Variants in CLMN observed in about 807,000 individuals in gnomAD.
CLMN encodes the protein calmin, also known as calmin (calponin-like, transmembrane).
Under a neutral mutation model 92.7 loss-of-function variants are expected in CLMN, and 57 were observed. The observed-to-expected ratio is 0.61, with a 90% CI of 0.50 to 0.77. The LOEUF is 0.77. Ranked by LOEUF, CLMN falls within the 30% of genes least tolerant of loss-of-function variation. CLMN has a pLI of 0.00. For synonymous variants in CLMN, 466 were observed against 470.6 expected (o/e 0.99, Z 0.13); for missense variants, 1,158 against 1,237.5 (o/e 0.94, Z 0.96).
chr14:95,293,135 CCTTCCCTCCCTT>C (rs1226792493), intron 1 of CLMN, among the ~76,000 whole-genome samples: 1 of 118,784 alleles, frequency 8.4e-6, no homozygotes, highest in Non-Finnish European at 1.8e-5. Flanking sequence ...TTCCCTCCCT[CCTTCCCTCCCTT>C]CTTCCCTCCT....
chr14:95,228,920 C>T (rs193054738), intron 2 of CLMN, among the ~76,000 whole-genome samples: 13 of 152,314 alleles, frequency 8.5e-5, no homozygotes, highest in African/African-American at 2.9e-4. Context: ...AGTGATCTAC[C>T]TGCCTCAGCC....
At chr14:95,311,165 G>A (rs1159296037) in intron 1 of CLMN, among the ~76,000 whole-genome samples, 1 of 152,148 alleles carries the variant, frequency 6.6e-6, no homozygotes, top group East Asian at 1.9e-4. Flanking sequence ...GCTATCTGAA[G>A]GTTCAGGTTC....
intron 3 of CLMN, among the ~76,000 whole-genome samples, chr14:95,223,469 T>C (rs1362712903): frequency 6.6e-6 from 1 of 152,216 alleles, no homozygotes; most frequent in East Asian, 1.9e-4. Flanking sequence ...TTCTAGTTTA[T>C]ATAATGGCTG....
At chr14:95,232,884 T>C (rs1277502300) in intron 1 of CLMN, among the ~76,000 whole-genome samples, 1 of 152,256 alleles carries the variant, frequency 6.6e-6, no homozygotes, top group African/African-American at 2.4e-5. Context: ...CTGCCCATTT[T>C]TCACTGTTTC....
At chr14:95,245,194 A>ATATATATATAT (rs1491250953) in intron 1 of CLMN, among the ~76,000 whole-genome samples, 1 of 35,482 alleles carries the variant, frequency 2.8e-5, no homozygotes, top group African/African-American at 1.4e-4. Flanking sequence ...ATATATATAT[A>ATATATATATAT]ATATATATAT....
Position 95,256,251 on chromosome 14 carries a change from C to T in CLMN, c.83-26118G>A, listed in dbSNP as rs1566897986. ...CTCCTCGGCACCCAGTTGGGAAGGA[C>T]TTCACAGCACTCCCTGCCTCCTTTA... On this transcript the variant is annotated intron_variant, in intron 1 of 12. Transcript: ENST00000298912. The surrounding 1 kb of genome is among the most constrained non-coding windows in gnomAD (Gnocchi z 4.9). Among the ~76,000 whole-genome samples the T allele has an allele frequency of 6.6e-6, 1 of 152,348 alleles. No individual in the cohort carries two copies. The highest frequency in any genetic ancestry group is 2.1e-4 in the South Asian group (1 of 4,828).
intron 8 of CLMN, among the ~76,000 whole-genome samples, chr14:95,206,835 A>C (rs1280007075): frequency 6.6e-6 from 1 of 152,250 alleles, no homozygotes; most frequent in Non-Finnish European, 1.5e-5. Context: ...CGTATGTTTT[A>C]GTTGATTTCA....
intron 9 of CLMN, among the ~76,000 whole-genome samples, chr14:95,201,566 C>CTTTT (rs57205690): frequency 4.2e-4 from 58 of 139,660 alleles, no homozygotes; most frequent in Non-Finnish European, 6.5e-4. Flanking sequence ...CTTTTTTTTC[C>CTTTT]TTTTTTTTTT....
chr14:95,237,493 C>T (rs1269757001), intron 1 of CLMN, among the ~76,000 whole-genome samples: 1 of 152,220 alleles, frequency 6.6e-6, no homozygotes, highest in Non-Finnish European at 1.5e-5. Flanking sequence ...TCTCTGTTAC[C>T]ACTGGGAGGA....
chr14:95,294,952 G>A lies in CLMN; in HGVS notation c.82+24759C>T, dbSNP rs1198359162. Among the ~76,000 whole-genome samples, 1 of 152,212 alleles carries A rather than the reference G, an allele frequency of 6.6e-6. No homozygotes were observed. The highest frequency in any genetic ancestry group is 1.5e-5 in the Non-Finnish European group (1 of 68,040). ...CCCCTCACCAGGCGATAGCTTTGTG[G>A]GGCTCCTATAATTCAGCCCCCTCTT... On this transcript the variant is annotated intron_variant, in intron 1 of 12. Coordinates refer to ENST00000298912, the MANE Select transcript of CLMN (RefSeq NM_024734.4). This position sits in a 1 kb window ranked among gnomAD's most constrained non-coding sequence, Gnocchi z 4.2.
In CLMN at chr14:95,202,932, C is replaced by T. The variant is rs1481475366; in HGVS notation, c.2417G>A (p.Gly806Asp). The change falls in exon 9 of 13, where the codon GGT becomes GAT. Residue 806 changes from glycine to aspartate, a missense_variant. Coordinates refer to ENST00000298912, the MANE Select transcript of CLMN (RefSeq NM_024734.4). ...QVLYLSRGGV[G>D]TTPASEPAPL... The stretch of plus-strand genomic sequence containing the variant: ...AGCGGGTTCTGAGGCTGGTGTGGTA[C>T]CCACACCACCCCTGCTGAGATACAG... The T allele has an allele frequency of 6.2e-7, 1 of 1,611,570 alleles. No homozygotes were observed. Among genetic ancestry groups the T allele is most frequent in the African/African-American group, 1.3e-5 (1 of 74,820 alleles).
At chr14:95,301,364 G>C (rs944926852) in intron 1 of CLMN, among the ~76,000 whole-genome samples, 1 of 152,174 alleles carries the variant, frequency 6.6e-6, no homozygotes, top group African/African-American at 2.4e-5. Context: ...GGGAATTTTT[G>C]ACTGCCACAT....
intron 2 of CLMN, 51 bp from the exon 3 acceptor site, chr14:95,223,906 C>A: frequency 7.7e-7 from 1 of 1,290,998 alleles, no homozygotes; most frequent in Non-Finnish European, 1.1e-6. Context: ...GTGTGATCCA[C>A]AAAGCTATGT....
chr14:95,193,582 C>T (rs1777023908), intron 12 of CLMN, among the ~76,000 whole-genome samples: 1 of 152,220 alleles, frequency 6.6e-6, no homozygotes, highest in South Asian at 2.1e-4. Flanking sequence ...AACACAGCTG[C>T]AGGCTCAGAA....
At chr14:95,213,582 T>C (rs1289098656) in intron 5 of CLMN, among the ~76,000 whole-genome samples, 173 bp from the exon 6 acceptor site, 1 of 152,074 alleles carries the variant, frequency 6.6e-6, no homozygotes, top group Non-Finnish European at 1.5e-5. Flanking sequence ...AGGCAGTACT[T>C]GTGATGGCCT....
rs1233615447 is a variant in CLMN at position 95,221,804 on chromosome 14, C to T, written c.241-30G>A. 3.1e-6 allele frequency: 5 copies of T among 1,603,508 alleles called. No individual in the cohort carries two copies. In the Admixed American group the frequency reaches 6.7e-5, roughly 22 times the overall value. ...AAAACAGAACAGAACAAAACAAGCA[C>T]ATTAAACCCGCACAGGCACTTCCCA... On this transcript the variant is annotated intron_variant, in intron 3 of 12. Transcript: ENST00000298912.
At chr14:95,246,535 C>T (rs1186069860) in intron 1 of CLMN, among the ~76,000 whole-genome samples, 1 of 152,230 alleles carries the variant, frequency 6.6e-6, no homozygotes, top group Non-Finnish European at 1.5e-5. Context: ...GTGGCGCCAT[C>T]TTGGCTCACT....
At position 95,256,539 on chromosome 14, in the gene CLMN, G is replaced by A. The variant is rs111614233; in HGVS notation, c.83-26406C>T. Among the ~76,000 whole-genome samples the A allele has an allele frequency of 2.5e-3, 378 of 152,218 alleles. 6 individuals carry two copies. The highest frequency in any genetic ancestry group is 8.6e-3 in the African/African-American group (358 of 41,522). On this transcript the variant is annotated intron_variant, in intron 1 of 12. Coordinates refer to ENST00000298912, the MANE Select transcript of CLMN (RefSeq NM_024734.4). The surrounding 1 kb of genome is among the most constrained non-coding windows in gnomAD (Gnocchi z 4.9). The stretch of plus-strand genomic sequence containing the variant: ...ACCTCCCACCTGCTGCTGGGCCCAC[G>A]GCAGGGTAACTGCCACCAGCTTGCT...
chr14:95,206,163 C>T (rs1341978927), intron 8 of CLMN, among the ~76,000 whole-genome samples: 2 of 152,146 alleles, frequency 1.3e-5, no homozygotes, highest in South Asian at 4.1e-4. Flanking sequence ...ACAAAGCACA[C>T]TTCAAGATGG....
Sources: allele counts gnomAD v4.1 joint callset (sites outside exome capture counted in the v4.1 genomes callset), GRCh38; gene constraint gnomAD v4.1.1; non-coding constraint Gnocchi (gnomAD v3.1); transcripts MANE v1.5; gene names NCBI Gene and HGNC (gene_info 2026-07-23, HGNC 2026-07-21).